CNTNAP2: variants seen among roughly 807,000 people sequenced by gnomAD.
CNTNAP2 encodes contactin associated protein 2, also known as contactin-associated protein-like 2.
CNTNAP2 carries 98 observed loss-of-function variants against 155.2 expected under a neutral mutation model. The ratio of observed to expected loss-of-function variants is 0.63; its 90% CI spans 0.54 to 0.75. CNTNAP2 has a LOEUF of 0.75. Ranked by LOEUF, CNTNAP2 falls within the 30% of genes least tolerant of loss-of-function variation. The probability of loss-of-function intolerance (pLI) is 0.00; values close to 1 mark genes in which losing one functional copy is unlikely to be tolerated. For synonymous variants in CNTNAP2, 651 were observed against 631.2 expected (o/e 1.03, Z -0.47); for missense variants, 1,727 against 1,688.1 (o/e 1.02, Z -0.40).
At position 147,468,303 on chromosome 7, in the gene CNTNAP2, T is replaced by C. The variant is rs555704015; in HGVS notation, c.1671-17632T>C. On this transcript the variant is annotated intron_variant, in intron 10 of 23. Transcript: ENST00000361727. ...TCAAAAAAAAGAAAACAAAATAGAA[T>C]ACTTACAAATTTATGGTGTTTTCAT... is the stretch of plus-strand genomic sequence containing the variant. 2.0e-5 allele frequency among the ~76,000 whole-genome samples: 3 copies of C among 152,090 alleles called. No individual in the cohort carries two copies. The East Asian group carries it at 5.8e-4, about 29-fold the overall frequency.
At chr7:147,691,590 T>C (rs2116992358) in intron 13 of CNTNAP2, among the ~76,000 whole-genome samples, 1 of 152,138 alleles carries the variant, frequency 6.6e-6, no homozygotes, top group East Asian at 1.9e-4. Context: ...TACCACAATG[T>C]AGGATTTCCC....
chr7:148,043,468 G>T (rs1446142653), intron 15 of CNTNAP2, among the ~76,000 whole-genome samples: 3 of 152,188 alleles, frequency 2.0e-5, no homozygotes, highest in African/African-American at 7.2e-5. Flanking sequence ...CACCTGTCAA[G>T]CTAAGGCTTT....
At chr7:146,119,929 A>G (rs1797538582) in intron 1 of CNTNAP2, among the ~76,000 whole-genome samples, 1 of 151,922 alleles carries the variant, frequency 6.6e-6, no homozygotes, top group South Asian at 2.1e-4. Context: ...AAACATTTGA[A>G]TACATGTTAT....
intron 10 of CNTNAP2, among the ~76,000 whole-genome samples, chr7:147,419,236 C>T (rs180842834): frequency 1.7e-4 from 26 of 152,230 alleles, no homozygotes; most frequent in Admixed American, 5.2e-4. Flanking sequence ...GCCCTGCCTG[C>T]CCTGCTGTCT....
intron 10 of CNTNAP2, among the ~76,000 whole-genome samples, chr7:147,432,180 C>T (rs181492153): frequency 6.2e-4 from 95 of 152,258 alleles, no homozygotes; most frequent in Non-Finnish European, 2.6e-4. Flanking sequence ...ACATTTTGAG[C>T]TACATAATTT....
At chr7:146,792,240 C>T (rs551378058) in intron 2 of CNTNAP2, among the ~76,000 whole-genome samples, 1 of 150,928 alleles carries the variant, frequency 6.6e-6, no homozygotes, top group South Asian at 2.1e-4. Context: ...TATTATATGA[C>T]ATCTTATATC....
chr7:147,703,674 GTCA>G (rs1796268500), intron 13 of CNTNAP2, among the ~76,000 whole-genome samples: 8 of 152,144 alleles, frequency 5.3e-5, no homozygotes, highest in African/African-American at 1.7e-4. Flanking sequence ...TAGGGTGTCT[GTCA>G]TCTGGAGTAT....
At chr7:148,264,111 G>A (rs1401507777) in intron 20 of CNTNAP2, among the ~76,000 whole-genome samples, 6 of 152,140 alleles carry the variant, frequency 3.9e-5, no homozygotes, top group Admixed American at 3.3e-4. Flanking sequence ...ACACAGAAAT[G>A]TAAAAACCTA....
intron 8 of CNTNAP2, among the ~76,000 whole-genome samples, chr7:147,200,538 C>A (rs567732152): frequency 4.6e-5 from 7 of 152,170 alleles, no homozygotes; most frequent in Admixed American, 6.5e-5. Flanking sequence ...ACATACACCC[C>A]AGAGGGACAT....
chr7:146,703,454 A>G (rs1585049241), intron 1 of CNTNAP2, among the ~76,000 whole-genome samples: 2 of 152,230 alleles, frequency 1.3e-5, no homozygotes, highest in East Asian at 3.9e-4. Flanking sequence ...TTAGTCTCCA[A>G]ACTCATTTTT....
chr7:146,734,103 A>G (rs1252221108), intron 1 of CNTNAP2, among the ~76,000 whole-genome samples: 1 of 152,144 alleles, frequency 6.6e-6, no homozygotes, highest in East Asian at 1.9e-4. Flanking sequence ...GATTTTGGTC[A>G]CCAAAATACA....
intron 8 of CNTNAP2, among the ~76,000 whole-genome samples, chr7:147,287,130 G>A (rs922330897): frequency 6.6e-6 from 1 of 152,034 alleles, no homozygotes; most frequent in African/African-American, 2.4e-5. Flanking sequence ...AATATAGCAC[G>A]GGCAAGTGGG....
chr7:147,768,935 A>C (rs1797424273), intron 13 of CNTNAP2, among the ~76,000 whole-genome samples: 1 of 152,164 alleles, frequency 6.6e-6, no homozygotes, highest in Admixed American at 6.5e-5. Flanking sequence ...ACTTCAAAGA[A>C]GGTACTTTAT....
chr7:146,224,430 T>TC (rs1237724895), intron 1 of CNTNAP2, among the ~76,000 whole-genome samples: 4 of 67,274 alleles, frequency 5.9e-5, no homozygotes, highest in Non-Finnish European at 1.3e-4. Context: ...ACACAGTGGT[T>TC]TAAAAAAAAA....
At chr7:148,137,856 G>T (rs1804991330) in intron 16 of CNTNAP2, among the ~76,000 whole-genome samples, 1 of 152,172 alleles carries the variant, frequency 6.6e-6, no homozygotes, top group East Asian at 1.9e-4. Flanking sequence ...TAGTTGAAGA[G>T]AATCTGTTGT....
chr7:148,372,200 CA>C (rs939288826), intron 21 of CNTNAP2, among the ~76,000 whole-genome samples: 3 of 151,146 alleles, frequency 2.0e-5, no homozygotes, highest in Non-Finnish European at 4.4e-5. Flanking sequence ...GACTCCGTCT[CA>C]AAAAAAATAA....
chr7:147,306,015 A>G (rs2116782814), intron 9 of CNTNAP2, among the ~76,000 whole-genome samples: 1 of 152,202 alleles, frequency 6.6e-6, no homozygotes, highest in African/African-American at 2.4e-5. Context: ...TCTGATAAGG[A>G]CACCACTCAT....
In CNTNAP2 at chr7:148,116,825, A is replaced by C. The variant is rs139464741; in HGVS notation, c.2384-1293A>C. Among the ~76,000 whole-genome samples, 12 of 152,344 alleles carry C rather than the reference A, an allele frequency of 7.9e-5. No individual in the cohort carries two copies. The East Asian group carries it at 1.9e-3, about 24-fold the overall frequency. On this transcript the variant is annotated intron_variant, in intron 15 of 23. Transcript: ENST00000361727. ...AAATATCATTTGTGTATGAATAGAA[A>C]CTAATGGAGTGCACTTAGTTGATTC... is the stretch of plus-strand genomic sequence containing the variant.
chr7:147,011,776 G>A (rs1315436481), intron 3 of CNTNAP2, among the ~76,000 whole-genome samples: 1 of 152,126 alleles, frequency 6.6e-6, no homozygotes, highest in African/African-American at 2.4e-5. Context: ...GTCTTATCTG[G>A]GTAAGAGCTG....
Sources: gnomAD v4.1 joint callset for allele counts (sites outside exome capture counted in the v4.1 genomes callset) on GRCh38, gnomAD v4.1.1 for gene constraint, MANE v1.5 for transcripts, NCBI Gene and HGNC (gene_info 2026-07-23, HGNC 2026-07-21) for gene names.